The following PGR variants were observed in gnomAD, a reference collection of about 807,000 sequenced individuals.
PGR encodes the protein progesterone receptor.
Under a neutral mutation model 76.1 loss-of-function variants are expected in PGR, and 25 were observed. The ratio of observed to expected loss-of-function variants is 0.33; its 90% CI spans 0.24 to 0.46. PGR has a LOEUF of 0.46. Ranked by LOEUF, PGR falls within the 20% of genes least tolerant of loss-of-function variation. The pLI, the probability that PGR is intolerant of heterozygous loss-of-function variation, is 1.00. For synonymous variants in PGR, 579 were observed against 535.0 expected, an observed-to-expected ratio of 1.08 and a Z score of -1.14; for missense variants, 1,172 against 1,225.3, an observed-to-expected ratio of 0.96 and a Z score of 0.65.
At chr11:101,118,093 C>A (rs1862565073) in intron 2 of PGR, among the ~76,000 whole-genome samples, 1 of 152,192 alleles carries the variant, frequency 6.6e-6, no homozygotes, top group African/African-American at 2.4e-5. Flanking sequence ...ACACACACTG[C>A]AGGCTCCTTG....
intron 2 of PGR, among the ~76,000 whole-genome samples, chr11:101,110,440 C>T (rs1862309367): frequency 6.6e-6 from 1 of 152,092 alleles, no homozygotes; most frequent in South Asian, 2.1e-4. Context: ...GAAGTAACTG[C>T]ATATGTGGTA....
In PGR at chr11:101,038,827, T is replaced by TG; in HGVS notation, c.*288dup. 3.4e-6 allele frequency: 1 copy of TG among 293,304 alleles called. No individual in the cohort carries two copies. The highest frequency in any genetic ancestry group is 5.2e-5 in the East Asian group (1 of 19,064). 18.2% of individuals were successfully genotyped at this position (293,304 alleles called of 1,614,324 possible). A position where few individuals can be genotyped will look rare whatever the true frequency, so the allele number is the denominator to read the frequency against. The stretch of plus-strand genomic sequence containing the variant: ...CAAAAGTTAAAAATCCTCACCTACA[T>TG]GGTATGAAATAATATGGATAAGATA... On this transcript the variant is annotated 3_prime_UTR_variant, in exon 8 of 8. Transcript: ENST00000325455.
intron 3 of PGR, among the ~76,000 whole-genome samples, chr11:101,065,826 T>G (rs562416244): frequency 2.6e-4 from 39 of 152,084 alleles, no homozygotes; most frequent in African/African-American, 8.7e-4. Flanking sequence ...GGTGGCTGAA[T>G]AGTTGTCTCT....
intron 2 of PGR, among the ~76,000 whole-genome samples, chr11:101,095,461 T>C (rs1430583035): frequency 6.6e-6 from 1 of 152,250 alleles, no homozygotes; most frequent in African/African-American, 2.4e-5. Context: ...GCTATTGACA[T>C]ATATTAACTC....
intron 3 of PGR, among the ~76,000 whole-genome samples, chr11:101,081,263 AC>A (rs1430785362): frequency 6.6e-6 from 1 of 152,006 alleles, no homozygotes; most frequent in African/African-American, 2.4e-5. Flanking sequence ...CCCTGACTCT[AC>A]TAAAAATACA....
Position 101,039,078 on chromosome 11 carries a change from A to C in PGR, c.*38T>G. On this transcript the variant is annotated 3_prime_UTR_variant, in exon 8 of 8. Coordinates refer to ENST00000325455, the MANE Select transcript of PGR (RefSeq NM_000926.4). ...AATCCTGACCAAAACAAAAAGACATACCACAAAATTTAATTCTTTAAAAGA... is the reference window on the plus strand; with the variant it reads ...AATCCTGACCAAAACAAAAAGACATCCCACAAAATTTAATTCTTTAAAAGA... 6.4e-7 allele frequency: 1 copy of C among 1,554,204 alleles called. No homozygotes were observed. The highest frequency in any genetic ancestry group is 2.3e-5 in the East Asian group (1 of 44,382).
At chr11:101,119,726 G>C (rs1394421634) in intron 2 of PGR, among the ~76,000 whole-genome samples, 1 of 152,156 alleles carries the variant, frequency 6.6e-6, no homozygotes, top group African/African-American at 2.4e-5. Flanking sequence ...ATAGAAGAAG[G>C]AACTTGACTG....
At chr11:101,064,229 G>T (rs1860621018) in intron 3 of PGR, among the ~76,000 whole-genome samples, 1 of 149,550 alleles carries the variant, frequency 6.7e-6, no homozygotes, top group African/African-American at 2.5e-5. Flanking sequence ...TACTCCAGAG[G>T]CTGAGGCAGG....
At chr11:101,064,952 C>A (rs560582568) in intron 3 of PGR, among the ~76,000 whole-genome samples, 1 of 152,296 alleles carries the variant, frequency 6.6e-6, no homozygotes, top group African/African-American at 2.4e-5. Flanking sequence ...CATGCTGTAT[C>A]GGTTTGTAGC....
Position 101,069,337 on chromosome 11 carries a change from G to A in PGR, c.1907-6585C>T, listed in dbSNP as rs375035628. Reference sequence around the variant, plus strand: ...ACCATCTCACACCAGTTAGAATGGCGATCATTAAAAAGTCAGGAAACAACA... The same window carrying A: ...ACCATCTCACACCAGTTAGAATGGCAATCATTAAAAAGTCAGGAAACAACA... On this transcript the variant is annotated intron_variant, in intron 3 of 7. Coordinates refer to ENST00000325455, the MANE Select transcript of PGR (RefSeq NM_000926.4). Among the ~76,000 whole-genome samples, 5 of 152,088 alleles carry A rather than the reference G, an allele frequency of 3.3e-5. No homozygotes were observed. The East Asian group carries it at 5.8e-4, about 18-fold the overall frequency.
rs11571222 is a variant in PGR at position 101,062,708 on chromosome 11, G to C, written c.1951C>G (p.Leu651Val). The change falls in exon 4 of 8, where the codon CTG becomes GTG. Residue 651 changes from leucine to valine, a missense_variant. By Grantham distance (32) the Leu-to-Val change is conservative (BLOSUM62 1). Around this residue, in one of 4 missense-constraint regions of PGR, gnomAD observed 73 missense variants for 60.7 expected, o/e 1.20. Coordinates refer to ENST00000325455, the MANE Select transcript of PGR (RefSeq NM_000926.4). ...KFNKVRVVRA[L>V]DAVALPQPVG... ...GGCTGTGGGAGAGCAACAGCATCCAGTGCTCTCACAACTCTGACTTTATTG... is the reference window on the plus strand; with the variant it reads ...GGCTGTGGGAGAGCAACAGCATCCACTGCTCTCACAACTCTGACTTTATTG... 2.2e-3 allele frequency: 3,628 copies of C among 1,613,656 alleles called. 8 individuals are homozygous for C. The highest frequency in any genetic ancestry group is 2.3e-3 in the Non-Finnish European group (2,731 of 1,179,796).
chr11:101,088,418 G>A (rs1278719809), intron 3 of PGR, among the ~76,000 whole-genome samples: 3 of 151,982 alleles, frequency 2.0e-5, no homozygotes, highest in African/African-American at 4.8e-5. Flanking sequence ...TGCAAGCTCC[G>A]CCTCCCAGGT....
Position 101,128,311 on chromosome 11 carries a change from C to T in PGR, c.760G>A (p.Ala254Thr), listed in dbSNP as rs1241953281. Residue 254 changes from alanine to threonine, a missense_variant, in exon 1 of 8, where the codon GCG becomes ACG. Ala to Thr is a moderately conservative substitution (Grantham distance 58). Around this residue, in one of 4 missense-constraint regions of PGR, gnomAD observed 893 missense variants for 785.9 expected, o/e 1.14. Coordinates refer to ENST00000325455, the MANE Select transcript of PGR (RefSeq NM_000926.4). ...LGGAAAGGGA[A>T]AVPPGAAAGG... ...GCTGCCGCCCCCGGCGGGACAGCCGCGGCTCCTCCTCCAGCCGCCGCGCCA... is the reference window on the plus strand; with the variant it reads ...GCTGCCGCCCCCGGCGGGACAGCCGTGGCTCCTCCTCCAGCCGCCGCGCCA... 3 of 1,594,338 alleles carry T rather than the reference C, an allele frequency of 1.9e-6. No individual in the cohort carries two copies. Among genetic ancestry groups the T allele is most frequent in the South Asian group, 2.2e-5 (2 of 90,384 alleles).
chr11:101,054,110 C>T (rs1860203605), intron 4 of PGR, among the ~76,000 whole-genome samples: 1 of 152,176 alleles, frequency 6.6e-6, no homozygotes, highest in Non-Finnish European at 1.5e-5. Flanking sequence ...TCAGATGTGC[C>T]TTGGCTTCTG....
Position 101,037,352 on chromosome 11 carries a change from T to A in PGR, c.*1764A>T. The A allele has an allele frequency of 4.6e-6, 1 of 216,420 alleles. No homozygotes were observed. The highest frequency in any genetic ancestry group is 6.9e-5 in the East Asian group (1 of 14,472). The allele number at this position is 216,420 out of a possible 1,614,324, so 13.4% of individuals were successfully genotyped here. On this transcript the variant is annotated 3_prime_UTR_variant, in exon 8 of 8. Transcript: ENST00000325455. ...TGGACTGTAACTTTCCTGAGTTATATGTCTTTCTTCAGCTCCAAATTCTCA... is the reference window on the plus strand; with the variant it reads ...TGGACTGTAACTTTCCTGAGTTATAAGTCTTTCTTCAGCTCCAAATTCTCA...
chr11:101,069,405 G>C (rs1860836249), intron 3 of PGR, among the ~76,000 whole-genome samples: 1 of 152,224 alleles, frequency 6.6e-6, no homozygotes, highest in Admixed American at 6.5e-5. Context: ...CTTTTACACT[G>C]TTGGTGGGAG....
chr11:101,052,176 C>T (rs977345119), intron 4 of PGR, among the ~76,000 whole-genome samples: 1 of 152,000 alleles, frequency 6.6e-6, no homozygotes, highest in Non-Finnish European at 1.5e-5. Flanking sequence ...TTAACTATGT[C>T]GGGTAGATTC....
chr11:101,125,982 A>C (rs1276907291), intron 2 of PGR, 25 bp downstream of exon 2: 2 of 1,606,424 alleles, frequency 1.2e-6, no homozygotes, highest in Non-Finnish European at 1.7e-6. Context: ...AACCAATAAT[A>C]AAGGATCAGG....
intron 2 of PGR, among the ~76,000 whole-genome samples, chr11:101,093,154 A>T (rs907067440): frequency 3.9e-5 from 6 of 152,196 alleles, no homozygotes. Context: ...GTACACTCAC[A>T]TAGTGTTCAT....
Sources: gnomAD v4.1 joint callset for allele counts (sites outside exome capture counted in the v4.1 genomes callset) on GRCh38, gnomAD v4.1.1 for gene constraint, gnomAD v4.1.1 regional missense constraint, MANE v1.5 for transcripts, NCBI Gene and HGNC (gene_info 2026-07-23, HGNC 2026-07-21) for gene names.